The following ABCA2 variants were observed in gnomAD, a reference collection of about 807,000 sequenced individuals.
The protein encoded by ABCA2 is ATP-binding cassette sub-family A member 2.
A neutral mutation model predicts 262.8 loss-of-function variants in ABCA2; 84 were observed. The observed-to-expected ratio is 0.32, with a 90% confidence interval of 0.27 to 0.38. The LOEUF (loss-of-function observed/expected upper bound fraction) is 0.38. ABCA2 is among the 10% of genes least tolerant of loss of function. The pLI is 1.00. For synonymous variants in ABCA2, 1,696 were observed against 1,502.9 expected (o/e 1.13, Z -2.97); for missense variants, 2,662 against 3,405.9 (o/e 0.78, Z 5.44).
chr9:137,021,900 G>A lies in ABCA2; in HGVS notation c.669C>T (p.Phe223=). 6.3e-7 allele frequency: 1 copy of A among 1,597,128 alleles called. No individual in the cohort carries two copies. The highest frequency in any genetic ancestry group is 2.3e-5 in the East Asian group (1 of 44,266). The change falls in exon 7 of 49, where the codon TTC becomes TTT. Residue 223 remains phenylalanine (F), a synonymous_variant. Coordinates refer to ENST00000341511, the MANE Select transcript of ABCA2 (RefSeq NM_001606.5). This position sits in a 1 kb window ranked among gnomAD's most constrained non-coding sequence, Gnocchi z 6.0. The stretch of plus-strand genomic sequence containing the variant: ...ACATGGATGCCCTCACCTCCATCCG[G>A]AACAGGGGATTGCCCCCTAGGCGGC... ...PWSRLGGNPL[F]RMEELLLAPA...
At position 137,009,759 on chromosome 9, in the gene ABCA2, C is replaced by T. The variant is rs764396264; in HGVS notation, c.6630+10G>A. 4.5e-5 allele frequency: 73 copies of T among 1,610,280 alleles called. No homozygotes were observed. The South Asian group carries it at 4.7e-4, about 10-fold the overall frequency. The stretch of plus-strand genomic sequence containing the variant: ...GCCAGGCAGCCACCCCCCACCCACC[C>T]AGGACTTACCAGGAAGATGAAGGCT... On this transcript the variant is annotated intron_variant, in intron 43 of 48. Transcript: ENST00000341511.
rs1831391963 is a variant in ABCA2, at chr9:137,019,898, G to T, written c.1425+438C>A. 4.9e-6 allele frequency: 1 copy of T among 202,366 alleles called. No homozygotes were observed. Among genetic ancestry groups the T allele is most frequent in the African/African-American group, 2.5e-5 (1 of 39,722 alleles). The allele number at this position is 202,366 out of a possible 1,614,324, so 12.5% of individuals were successfully genotyped here. A position where few individuals can be genotyped will look rare whatever the true frequency, so the allele number is the denominator to read the frequency against. On this transcript the variant is annotated intron_variant, in intron 10 of 48. Coordinates refer to ENST00000341511, the MANE Select transcript of ABCA2 (RefSeq NM_001606.5). This position sits in a 1 kb window ranked among gnomAD's most constrained non-coding sequence, Gnocchi z 4.4. ...CCTCATCTGTCCCACCCTCATCCTA[G>T]GGACCCCCTCTACACCCAGGATTGG...
Position 137,013,132 on chromosome 9 carries a change from G to C in ABCA2, c.4737C>G (p.Ser1579=). The C allele has an allele frequency of 6.3e-7, 1 of 1,598,078 alleles. No homozygotes were observed. Among genetic ancestry groups the C allele is most frequent in the Non-Finnish European group, 8.5e-7 (1 of 1,174,524 alleles). The change falls in exon 30 of 49, where the codon TCC becomes TCG. Residue 1579 remains serine (S), a synonymous_variant. Coordinates refer to ENST00000341511, the MANE Select transcript of ABCA2 (RefSeq NM_001606.5). ...ARFFDSMCLE[S]FTQGLPLSNF... Reference sequence around the variant, plus strand: ...TGGACAGTGGCAGCCCCTGTGTGAAGGACTCCAGACACATGCTGTCGAAGA... The same window carrying C: ...TGGACAGTGGCAGCCCCTGTGTGAACGACTCCAGACACATGCTGTCGAAGA...
At chr9:137,013,380 CT>C in intron 29 of ABCA2, 62 bp from the exon 30 acceptor site, 1 of 1,524,582 alleles carries the variant, frequency 6.6e-7, no homozygotes, top group Non-Finnish European at 8.8e-7. Flanking sequence ...GCCCCGCCCC[CT>C]CGCCCGCCTG....
intron 21 of ABCA2, 40 bp downstream of exon 21, chr9:137,016,251 G>C: frequency 6.2e-7 from 1 of 1,611,768 alleles, no homozygotes; most frequent in Non-Finnish European, 8.5e-7. Flanking sequence ...CTCCTGCTCT[G>C]GTCAGCAGAT....
At chr9:137,009,498 G>A (rs775385269) in intron 44 of ABCA2, 36 bp from the exon 45 acceptor site, 3 of 1,611,848 alleles carry the variant, frequency 1.9e-6, no homozygotes, top group South Asian at 1.1e-5. Flanking sequence ...CGGAAGGGGT[G>A]CTGTGGGGTG....
chr9:137,012,398 G>A (rs766182950), intron 32 of ABCA2, 22 bp from the exon 33 acceptor site: 60 of 1,609,908 alleles, frequency 3.7e-5, no homozygotes, highest in Non-Finnish European at 4.7e-5. Context: ...AGAGGACACA[G>A]AAAGGCCCCA....
intron 1 of ABCA2, 136 bp from the exon 2 acceptor site, chr9:137,024,372 C>CAGTGGTTCCGAAG: frequency 1.5e-6 from 1 of 668,430 alleles, no homozygotes; most frequent in Non-Finnish European, 2.5e-6. Context: ...ACAGGCCCTT[C>CAGTGGTTCCGAAG]GGAACCACTG....
In ABCA2 at chr9:137,017,883, C is replaced by T. The variant is rs760590399; in HGVS notation, c.2115G>A (p.Glu705=). Residue 705 remains glutamate, a synonymous_variant, in exon 16 of 49, where the codon GAG becomes GAA. Transcript: ENST00000341511. ...TCACCATGCACAGCGGCATCATGTGCTCAATGACAAACAGGAAGCTGCGGG... is the reference window on the plus strand; with the variant it reads ...TCACCATGCACAGCGGCATCATGTGTTCAATGACAAACAGGAAGCTGCGGG... The part of the protein sequence containing the change: ...YTRDDFLFVI[E]HMMPLCMVIS... 5.0e-6 allele frequency: 8 copies of T among 1,612,508 alleles called. No homozygotes were observed. Among genetic ancestry groups the T allele is most frequent in the South Asian group, 2.2e-5 (2 of 91,092 alleles).
In ABCA2 at chr9:137,007,792, G is replaced by A. The variant is rs892207652; in HGVS notation, c.*137C>T. On this transcript the variant is annotated 3_prime_UTR_variant, in exon 49 of 49. Transcript: ENST00000341511. ...GCATGGCCGAGTACAGGGGCTGGAG[G>A]ACCAGAAGCCCCTTGGTCCTGAACC... is the stretch of plus-strand genomic sequence containing the variant. The A allele has an allele frequency of 3.0e-5, 37 of 1,219,510 alleles. No homozygotes were observed. In the Middle Eastern group the frequency reaches 8.0e-4, roughly 26 times the overall value. 75.5% of individuals were successfully genotyped at this position (1,219,510 alleles called of 1,614,324 possible).
Position 137,011,471 on chromosome 9 carries a change from T to C in ABCA2, c.5735A>G (p.Asn1912Ser). ...SSAYVFLIVI[N>S]LFIGITATVA... The stretch of plus-strand genomic sequence containing the variant: ...GGTGGCGGTGATGCCGATGAAGAGA[T>C]TGATGACAATGAGGAACACGTAGGC... Residue 1912 changes from asparagine to serine, a missense_variant, in exon 37 of 49, where the codon AAT (asparagine) becomes AGT (serine). By Grantham distance (46) the Asn-to-Ser change is conservative. This residue lies in a region of ABCA2 where 602 missense variants were observed against 897.4 expected (regional missense o/e 0.67). Coordinates refer to ENST00000341511, the MANE Select transcript of ABCA2 (RefSeq NM_001606.5). The surrounding 1 kb of genome is among the most constrained non-coding windows in gnomAD (Gnocchi z 8.8). 1 of 1,610,260 alleles carries C rather than the reference T, an allele frequency of 6.2e-7. No homozygotes were observed. The highest frequency in any genetic ancestry group is 8.5e-7 in the Non-Finnish European group (1 of 1,178,842).
chr9:137,008,132 G>T, intron 48 of ABCA2, 168 bp from the exon 49 acceptor site: 1 of 911,192 alleles, frequency 1.1e-6, no homozygotes, highest in Non-Finnish European at 1.7e-6. Flanking sequence ...CGTCTGCCGA[G>T]TCTGGGGGCC....
Position 137,007,890 on chromosome 9 carries a change from G to A in ABCA2, c.*39C>T, listed in dbSNP as rs992153642. 3.1e-6 allele frequency: 5 copies of A among 1,602,906 alleles called. No homozygotes were observed. The African/African-American group carries it at 4.0e-5, about 13-fold the overall frequency. On this transcript the variant is annotated 3_prime_UTR_variant, in exon 49 of 49. Coordinates refer to ENST00000341511, the MANE Select transcript of ABCA2 (RefSeq NM_001606.5). ...TGAGTCCCTGGCCCAGCTCTGGGTG[G>A]TCAGTGGAGCGTGTCCTCCCTGGCC...
In ABCA2 at chr9:137,021,613, G is replaced by A. The variant is rs1251692816; in HGVS notation, c.679-3C>T. The A allele has an allele frequency of 4.2e-5, 65 of 1,550,784 alleles. No individual in the cohort carries two copies. Among genetic ancestry groups the A allele is most frequent in the Non-Finnish European group, 5.7e-5 (65 of 1,148,862 alleles). On this transcript the variant is annotated splice_region_variant and splice_polypyrimidine_tract_variant and intron_variant, in intron 7 of 48. Transcript: ENST00000341511. This position sits in a 1 kb window ranked among gnomAD's most constrained non-coding sequence, Gnocchi z 6.0. ...AGGGCAGGAGCCAGCAGCAGCTCCTGGGATGGGCACAGGGGTCCGTGGAGC... is the reference window on the plus strand; with the variant it reads ...AGGGCAGGAGCCAGCAGCAGCTCCTAGGATGGGCACAGGGGTCCGTGGAGC...
intron 1 of ABCA2, among the ~76,000 whole-genome samples, chr9:137,025,370 G>A (rs545656656): frequency 2.6e-4 from 40 of 152,304 alleles, no homozygotes; most frequent in Middle Eastern, 6.8e-3. Context: ...GGACAGAGGG[G>A]CCCTGCCCTC....
At chr9:137,020,057 C>G in intron 10 of ABCA2, 2 of 476,616 alleles carry the variant, frequency 4.2e-6, no homozygotes, top group Admixed American at 3.6e-5. Context: ...TCTCTGGACA[C>G]ACCCCTCCTC....
rs560822253 is a variant in ABCA2 at position 137,020,643 on chromosome 9, G to A, written c.1265+51C>T. On this transcript the variant is annotated intron_variant, in intron 9 of 48. Transcript: ENST00000341511. ...GCCAGAGCCTAGATTCAGGGCTCAC[G>A]CCCTGCCCCTGGCTGTCCTCCTCAC... 1.6e-4 allele frequency: 253 copies of A among 1,589,228 alleles called. 7 individuals carry two copies. The South Asian group carries it at 2.6e-3, about 16-fold the overall frequency.
At chr9:137,018,689 G>T (rs772533681) in intron 13 of ABCA2, 30 bp downstream of exon 13, 4 of 1,563,832 alleles carry the variant, frequency 2.6e-6, no homozygotes, top group Admixed American at 3.5e-5. Context: ...GTCTGTGGGG[G>T]GCTGGGGCGG....
At chr9:137,027,055 G>C in intron 1 of ABCA2, among the ~76,000 whole-genome samples, 1 of 152,252 alleles carries the variant, frequency 6.6e-6, no homozygotes, top group East Asian at 1.9e-4. Context: ...AACAGGCACG[G>C]ACTGGTGCAG....
Sources: gnomAD v4.1 joint callset for allele counts (sites outside exome capture counted in the v4.1 genomes callset) on GRCh38, gnomAD v4.1.1 for gene constraint, gnomAD v4.1.1 regional missense constraint, Gnocchi (gnomAD v3.1) non-coding constraint, MANE v1.5 for transcripts, NCBI Gene and HGNC (gene_info 2026-07-23, HGNC 2026-07-21) for gene names.